Variants in HLTF observed in about 807,000 individuals in gnomAD.
HLTF encodes the protein helicase like transcription factor.
A neutral mutation model predicts 129.4 loss-of-function variants in HLTF; 127 were observed. The observed-to-expected ratio is 0.98, with a 90% CI of 0.85 to 1.14. The LOEUF (loss-of-function observed/expected upper bound fraction) is 1.14. Among genes scored for constraint, HLTF ranks in the 50% most tolerant of loss-of-function variants. The pLI, the probability that HLTF is intolerant of heterozygous loss-of-function variation, is 0.00. For missense variants in HLTF, 1,139 were observed against 1,187.1 expected (o/e 0.96, Z 0.60); for synonymous variants, 332 against 388.8 (o/e 0.85, Z 1.72).
chr3:149,081,070 A>C (rs1486592359), intron 2 of HLTF, among the ~76,000 whole-genome samples: 1 of 152,162 alleles, frequency 6.6e-6, no homozygotes, highest in Non-Finnish European at 1.5e-5. Context: ...AATTGCCCAC[A>C]GTATTCAGTA....
chr3:149,067,179 T>C (rs1718452029), intron 8 of HLTF, among the ~76,000 whole-genome samples: 1 of 151,170 alleles, frequency 6.6e-6, no homozygotes, highest in South Asian at 2.1e-4. Flanking sequence ...TATATACATA[T>C]ATATATGTAT....
intron 10 of HLTF, among the ~76,000 whole-genome samples, chr3:149,061,815 G>A (rs1242106186): frequency 8.3e-5 from 12 of 143,802 alleles, no homozygotes; most frequent in Admixed American, 5.0e-4. Context: ...CAGCCTGGGC[G>A]ACAGGAGCAA....
intron 14 of HLTF, 78 bp downstream of exon 14, chr3:149,055,225 G>A: frequency 1.1e-6 from 1 of 949,072 alleles, no homozygotes; most frequent in Non-Finnish European, 1.6e-6. Flanking sequence ...CCCAATGAAT[G>A]ACTCTTTAAC....
intron 9 of HLTF, among the ~76,000 whole-genome samples, chr3:149,064,183 C>T (rs1485246016): frequency 1.3e-5 from 2 of 152,036 alleles, no homozygotes; most frequent in Non-Finnish European, 2.9e-5. Context: ...GACCACAGAA[C>T]AAAATCAAAA....
rs1417540442 is a variant in HLTF, at chr3:149,046,111, C to CAG, written c.2039_2040dup (p.Val681LeufsTer2). The stretch of plus-strand genomic sequence containing the variant: ...ATAGTGGCTCTGCCTTCATTTTTCA[C>CAG]AGACTGATAAATCTTTCTCTCTTCA... On this transcript the variant is annotated frameshift_variant, in exon 18 of 25. Coordinates refer to ENST00000310053, the MANE Select transcript of HLTF (RefSeq NM_003071.4). LOFTEE classifies it high-confidence loss of function. The CAG allele has an allele frequency of 1.2e-6, 2 of 1,609,718 alleles. No homozygotes were observed. Among genetic ancestry groups the CAG allele is most frequent in the African/African-American group, 1.3e-5 (1 of 74,692 alleles).
At chr3:149,070,036 T>A (rs112110631) in intron 7 of HLTF, among the ~76,000 whole-genome samples, 141 of 152,354 alleles carry the variant, frequency 9.3e-4, no homozygotes, top group Admixed American at 3.6e-3. Context: ...TATAAAATCA[T>A]ACATGGGTAA....
intron 7 of HLTF, among the ~76,000 whole-genome samples, chr3:149,068,991 C>T (rs1388678142): frequency 1.3e-5 from 2 of 152,070 alleles, no homozygotes; most frequent in Admixed American, 1.3e-4. Context: ...AAAGTCAAAA[C>T]TGTTTTTATA....
At chr3:149,060,743 A>C (rs774727117) in intron 11 of HLTF, 36 bp downstream of exon 11, 3 of 1,602,604 alleles carry the variant, frequency 1.9e-6, no homozygotes, top group Non-Finnish European at 2.6e-6. Context: ...ATTAGAATAT[A>C]GGACACATTA....
At position 149,076,294 on chromosome 3, in the gene HLTF, T is replaced by C. The variant is rs116193937; in HGVS notation, c.229-247A>G. Among the ~76,000 whole-genome samples the C allele has an allele frequency of 8.5e-3, 1,301 of 152,308 alleles. 19 individuals are homozygous for C. The highest frequency in any genetic ancestry group is 0.03 in the African/African-American group (1,230 of 41,568). On this transcript the variant is annotated intron_variant, in intron 2 of 24. Coordinates refer to ENST00000310053, the MANE Select transcript of HLTF (RefSeq NM_003071.4). The stretch of plus-strand genomic sequence containing the variant: ...CTTAATGTCTTAAAAAATAGTCAAA[T>C]GTAAACTAGCAAATTCAAATTATCT...
At chr3:149,072,988 G>C (rs113356030) in intron 5 of HLTF, among the ~76,000 whole-genome samples, 1 of 151,974 alleles carries the variant, frequency 6.6e-6, no homozygotes, top group Admixed American at 6.6e-5. Context: ...AAACAGGAAC[G>C]TGTGTGTTTT....
At chr3:149,042,073 T>C (rs929870327) in intron 19 of HLTF, 93 bp downstream of exon 19, 1 of 1,110,988 alleles carries the variant, frequency 9.0e-7, no homozygotes, top group Admixed American at 2.0e-5. Context: ...CAGAACAAAA[T>C]AAACTAAATG....
chr3:149,086,180 C>T, intron 1 of HLTF, 137 bp downstream of exon 1: 1 of 923,964 alleles, frequency 1.1e-6, no homozygotes, highest in East Asian at 2.6e-5. Context: ...CTCCGGCGGC[C>T]ACATATGCGA....
chr3:149,039,235 G>T lies in HLTF; in HGVS notation c.2616-6C>A, dbSNP rs1435085973. On this transcript the variant is annotated splice_region_variant and splice_polypyrimidine_tract_variant and intron_variant, in intron 22 of 24. Coordinates refer to ENST00000310053, the MANE Select transcript of HLTF (RefSeq NM_003071.4). ...TAAACACAAATCCAGAGGCTCTAAA[G>T]GGGGGAAGAAAAGAGACAAGTAACA... 1.3e-6 allele frequency: 2 copies of T among 1,517,092 alleles called. No individual in the cohort carries two copies. Among genetic ancestry groups the T allele is most frequent in the Non-Finnish European group, 8.8e-7 (1 of 1,132,664 alleles). The allele number at this position is 1,517,092 out of a possible 1,614,324, so 94.0% of individuals were successfully genotyped here. A position where few individuals can be genotyped will look rare whatever the true frequency, so the allele number is the denominator to read the frequency against.
At chr3:149,077,084 C>G (rs2108060306) in intron 2 of HLTF, among the ~76,000 whole-genome samples, 1 of 151,936 alleles carries the variant, frequency 6.6e-6, no homozygotes, top group East Asian at 1.9e-4. Flanking sequence ...CCCGTCTCTA[C>G]TAAAAATACA....
intron 1 of HLTF, among the ~76,000 whole-genome samples, 182 bp downstream of exon 1, chr3:149,086,135 G>GCC (rs1245831989): frequency 6.6e-6 from 1 of 152,172 alleles, no homozygotes; most frequent in Non-Finnish European, 1.5e-5. Flanking sequence ...CGCCCTAGGA[G>GCC]CCCCTACTCG....
chr3:149,059,241 T>C (rs1717717334), intron 13 of HLTF: 1 of 229,408 alleles, frequency 4.4e-6, no homozygotes, highest in African/African-American at 2.3e-5. Flanking sequence ...GTCTCAGATC[T>C]TCTCAACCTT....
intron 2 of HLTF, among the ~76,000 whole-genome samples, chr3:149,083,186 G>T (rs1358575341): frequency 1.3e-5 from 2 of 152,082 alleles, no homozygotes; most frequent in Non-Finnish European, 2.9e-5. Flanking sequence ...GGGAGGCGGA[G>T]GTTGCAGTGA....
chr3:149,066,517 G>C (rs1240489758), intron 8 of HLTF, among the ~76,000 whole-genome samples: 1 of 151,124 alleles, frequency 6.6e-6, no homozygotes, highest in Non-Finnish European at 1.5e-5. Flanking sequence ...AAACATACTT[G>C]AAAGAGTGAC....
intron 10 of HLTF, among the ~76,000 whole-genome samples, chr3:149,062,723 G>A (rs572313299): frequency 6.6e-6 from 1 of 151,998 alleles, no homozygotes; most frequent in Non-Finnish European, 1.5e-5. Flanking sequence ...GAACTGAAAC[G>A]ATCAAGAATG....
Sources: allele counts gnomAD v4.1 joint callset (sites outside exome capture counted in the v4.1 genomes callset), GRCh38; gene constraint gnomAD v4.1.1; transcripts MANE v1.5; gene names NCBI Gene and HGNC (gene_info 2026-07-23, HGNC 2026-07-21).